Variants in PIWIL1 observed in about 807,000 individuals in gnomAD.
PIWIL1 encodes the protein piwi-like protein 1.
Under a neutral mutation model 114.4 loss-of-function variants are expected in PIWIL1, and 73 were observed. The observed-to-expected ratio is 0.64, with a 90% CI of 0.53 to 0.78. The LOEUF is 0.78. Ranked by LOEUF, PIWIL1 falls within the 30% of genes least tolerant of loss-of-function variation. The pLI is 0.00. For missense variants in PIWIL1, 723 were observed against 1,063.1 expected (o/e 0.68, Z 4.45); for synonymous variants, 375 against 369.0 (o/e 1.02, Z -0.19).
chr12:130,381,775 A>G, the PIWIL1 span, among the ~76,000 whole-genome samples: 2 of 152,202 alleles, frequency 1.3e-5, no homozygotes, highest in Non-Finnish European at 2.9e-5. Context: ...CATCACTAAC[A>G]AATGAGAGTT....
intron 3 of PIWIL1, among the ~76,000 whole-genome samples, chr12:130,343,803 T>A (rs2072996262): frequency 6.6e-6 from 1 of 151,982 alleles, no homozygotes; most frequent in South Asian, 2.1e-4. Flanking sequence ...TTTTTTTGTA[T>A]TTTTTAGTAG....
the PIWIL1 span, among the ~76,000 whole-genome samples, chr12:130,402,167 C>T: frequency 3.2e-4 from 48 of 152,298 alleles, no homozygotes; most frequent in African/African-American, 1.0e-3. Flanking sequence ...TCCAAAGTGA[C>T]GACGGGACTT....
chr12:130,340,291 G>C (rs1471637389), intron 1 of PIWIL1, among the ~76,000 whole-genome samples: 3 of 152,110 alleles, frequency 2.0e-5, no homozygotes, highest in Non-Finnish European at 4.4e-5. Flanking sequence ...TCAAGCGGAT[G>C]CTTTCAGATT....
At chr12:130,397,160 G>A in the PIWIL1 span, 1 of 345,230 alleles carries the variant, frequency 2.9e-6, no homozygotes, top group East Asian at 4.2e-5. Flanking sequence ...AATGAGAGCA[G>A]ACTGCCAGCG....
At chr12:130,404,767 G>T in the PIWIL1 span, among the ~76,000 whole-genome samples, 2 of 152,146 alleles carry the variant, frequency 1.3e-5, no homozygotes, top group Admixed American at 1.3e-4. Context: ...AAACAAAAAA[G>T]TATAGGTTTG....
rs372641791 is a variant in PIWIL1 at position 130,355,017 on chromosome 12, A to G, written c.1289+12A>G. 2 of 1,484,490 alleles carry G rather than the reference A, an allele frequency of 1.3e-6. No homozygotes were observed. Among genetic ancestry groups the G allele is most frequent in the African/African-American group, 1.4e-5 (1 of 72,376 alleles). The allele number at this position is 1,484,490 out of a possible 1,614,324, so 92.0% of individuals were successfully genotyped here. On this transcript the variant is annotated intron_variant, in intron 11 of 20. Transcript: ENST00000245255. Reference sequence around the variant, plus strand: ...GATTACATTCATAAGTAAGTCATTGATTTCACTGGGGCAGGGTTTCAGTTT... The same window carrying G: ...GATTACATTCATAAGTAAGTCATTGGTTTCACTGGGGCAGGGTTTCAGTTT...
At position 130,346,874 on chromosome 12, in the gene PIWIL1, G is replaced by A. The variant is rs745504698; in HGVS notation, c.532-67G>A. 3.8e-6 allele frequency: 6 copies of A among 1,565,720 alleles called. No individual in the cohort carries two copies. In the Admixed American group the frequency reaches 8.2e-5, roughly 21 times the overall value. On this transcript the variant is annotated intron_variant, in intron 5 of 20. Coordinates refer to ENST00000245255, the MANE Select transcript of PIWIL1 (RefSeq NM_004764.5). ...TCAATGTTGCCTTATTAAGCAAGCA[G>A]TATGTGATTGGGCATAATTGTCCTT...
chr12:130,399,049 C>T, the PIWIL1 span: 1 of 828,080 alleles, frequency 1.2e-6, no homozygotes, highest in Non-Finnish European at 1.8e-6. Context: ...CTTAAGTCTA[C>T]CACACTGGCC....
chr12:130,394,364 C>T, the PIWIL1 span, among the ~76,000 whole-genome samples: 9 of 152,144 alleles, frequency 5.9e-5, no homozygotes, highest in Non-Finnish European at 1.2e-4. Flanking sequence ...CGGAGGTGCA[C>T]GGAGCCAGCC....
At chr12:130,359,845 G>A (rs2073461907) in intron 14 of PIWIL1, among the ~76,000 whole-genome samples, 1 of 152,094 alleles carries the variant, frequency 6.6e-6, no homozygotes, top group Non-Finnish European at 1.5e-5. Flanking sequence ...AATTATGATA[G>A]GTTCTACTAT....
the PIWIL1 span, among the ~76,000 whole-genome samples, chr12:130,408,989 T>C: frequency 6.7e-6 from 1 of 149,484 alleles, no homozygotes; most frequent in African/African-American, 2.4e-5. Flanking sequence ...ACATGTGTCC[T>C]CTGCAGGACC....
chr12:130,377,664 A>G, the PIWIL1 span, among the ~76,000 whole-genome samples: 1 of 152,238 alleles, frequency 6.6e-6, no homozygotes, highest in Non-Finnish European at 1.5e-5. Flanking sequence ...CATCCTGGCC[A>G]TGTCCCCACC....
At chr12:130,370,433 C>T in intron 19 of PIWIL1, among the ~76,000 whole-genome samples, 1 of 152,236 alleles carries the variant, frequency 6.6e-6, no homozygotes, top group East Asian at 1.9e-4. Flanking sequence ...CAACTATTTA[C>T]ATAGCATTTG....
chr12:130,409,392 G>C, the PIWIL1 span, among the ~76,000 whole-genome samples: 2 of 141,108 alleles, frequency 1.4e-5, no homozygotes, highest in African/African-American at 5.3e-5. Flanking sequence ...GCCCAGGCTG[G>C]AGTGCAGTGG....
chr12:130,398,793 C>G, the PIWIL1 span: 1 of 162,746 alleles, frequency 6.1e-6, no homozygotes, highest in Non-Finnish European at 1.3e-5. Context: ...GAGTGGCTAA[C>G]AATGCAATAT....
At chr12:130,392,422 G>A in the PIWIL1 span, among the ~76,000 whole-genome samples, 16 of 47,610 alleles carry the variant, frequency 3.4e-4, 1 homozygote, top group East Asian at 1.8e-3. Context: ...GTGAGGACCC[G>A]GTCACCGTCA....
At chr12:130,355,100 A>C (rs1874521) in intron 11 of PIWIL1, 95 bp downstream of exon 11, 472,340 of 788,728 alleles carry the variant, frequency 0.6, 146,519 homozygotes, top group South Asian at 0.69. Context: ...GGCAGAAAGT[A>C]ACTTTCTCCT....
intron 9 of PIWIL1, among the ~76,000 whole-genome samples, chr12:130,350,543 G>A (rs570167579): frequency 6.6e-6 from 1 of 152,314 alleles, no homozygotes; most frequent in South Asian, 2.1e-4. Context: ...CAAATAGCAG[G>A]AAAGAGCAGC....
intron 11 of PIWIL1, among the ~76,000 whole-genome samples, chr12:130,355,268 T>A (rs2073332742): frequency 6.6e-6 from 1 of 152,210 alleles, no homozygotes; most frequent in Non-Finnish European, 1.5e-5. Context: ...AAAAAGGGGA[T>A]GTTTCTGGTC....
Sources: allele counts gnomAD v4.1 joint callset (sites outside exome capture counted in the v4.1 genomes callset), GRCh38; gene constraint gnomAD v4.1.1; transcripts MANE v1.5; gene names NCBI Gene and HGNC (gene_info 2026-07-23, HGNC 2026-07-21).